Variants in PPM1A observed in about 807,000 individuals in gnomAD.
PPM1A encodes protein phosphatase 1A.
Under a neutral mutation model 35.0 loss-of-function variants are expected in PPM1A, and 7 were observed. The ratio of observed to expected loss-of-function variants is 0.20; its 90% CI spans 0.11 to 0.38. The LOEUF (loss-of-function observed/expected upper bound fraction) is 0.38. Ranked by LOEUF, PPM1A falls within the 10% of genes least tolerant of loss-of-function variation. PPM1A has a pLI of 1.00. For missense variants in PPM1A, 239 were observed against 467.8 expected (o/e 0.51, Z 4.51); for synonymous variants, 153 against 167.3 (o/e 0.91, Z 0.66).
chr14:60,280,905 G>T (rs1886331293), intron 1 of PPM1A, among the ~76,000 whole-genome samples: 1 of 152,088 alleles, frequency 6.6e-6, no homozygotes, highest in Admixed American at 6.5e-5. Flanking sequence ...ATTTTCTTAG[G>T]GGTTAATGAT....
intron 1 of PPM1A, among the ~76,000 whole-genome samples, chr14:60,258,541 T>G (rs773855005): frequency 1.2e-4 from 18 of 152,138 alleles, no homozygotes; most frequent in Non-Finnish European, 1.9e-4. Context: ...CTTTTTAAAG[T>G]CATTGATGAA....
In PPM1A at chr14:60,249,321, C is replaced by T. The variant is rs1461247637; in HGVS notation, c.-377C>T. 5.7e-5 allele frequency: 55 copies of T among 965,232 alleles called. No individual in the cohort carries two copies. The highest frequency in any genetic ancestry group is 6.3e-5 in the Non-Finnish European group (52 of 824,506). The allele number at this position is 965,232 out of a possible 1,614,324, so 59.8% of individuals were successfully genotyped here. A position where few individuals can be genotyped will look rare whatever the true frequency, so the allele number is the denominator to read the frequency against. On this transcript the variant is annotated 5_prime_UTR_variant, in exon 1 of 6. Coordinates refer to ENST00000395076, the MANE Select transcript of PPM1A (RefSeq NM_021003.5). This position sits in a 1 kb window ranked among gnomAD's most constrained non-coding sequence, Gnocchi z 4.5. ...CTCGTCCGGCCCGCAGCTTCGGGTC[C>T]TCAGGCGGCTGTTGCTCCGGAACGG...
chr14:60,246,694 G>A (rs1258348481), upstream of PPM1A, among the ~76,000 whole-genome samples: 1 of 151,866 alleles, frequency 6.6e-6, no homozygotes, highest in African/African-American at 2.4e-5. Context: ...GGGATATGAT[G>A]ATATTAAACA....
chr14:60,269,654 T>G (rs1424127661), intron 1 of PPM1A, among the ~76,000 whole-genome samples: 2 of 152,214 alleles, frequency 1.3e-5, no homozygotes, highest in African/African-American at 2.4e-5. Flanking sequence ...GTTCAAGTGA[T>G]TCTCCTACCT....
At chr14:60,268,155 C>G in intron 1 of PPM1A, 1 of 266,934 alleles carries the variant, frequency 3.7e-6, no homozygotes, top group Non-Finnish European at 5.8e-6. Context: ...AGTCCATAAT[C>G]ACATATTACA....
At chr14:60,269,078 T>C (rs974728483) in intron 1 of PPM1A, among the ~76,000 whole-genome samples, 1 of 152,090 alleles carries the variant, frequency 6.6e-6, no homozygotes, top group Non-Finnish European at 1.5e-5. Context: ...GAATATATAG[T>C]CTTGAAATTT....
At chr14:60,266,373 C>G (rs1441438281) in intron 1 of PPM1A, among the ~76,000 whole-genome samples, 1 of 152,136 alleles carries the variant, frequency 6.6e-6, no homozygotes, top group Non-Finnish European at 1.5e-5. Context: ...TTTCTTTTCT[C>G]TGGAGTCACT....
At chr14:60,271,768 T>C (rs1190328102) in intron 1 of PPM1A, among the ~76,000 whole-genome samples, 1 of 152,216 alleles carries the variant, frequency 6.6e-6, no homozygotes, top group Non-Finnish European at 1.5e-5. Context: ...ATAATCTTGA[T>C]ATTGAGAATA....
At chr14:60,287,667 A>G (rs1887164064) in intron 3 of PPM1A, 3 of 985,328 alleles carry the variant, frequency 3.0e-6, no homozygotes, top group African/African-American at 3.5e-5. Flanking sequence ...CACACCATAG[A>G]AAAGGACAAA....
intron 1 of PPM1A, chr14:60,268,555 C>T (rs1486225111): frequency 3.7e-6 from 1 of 266,694 alleles, no homozygotes; most frequent in Non-Finnish European, 5.7e-6. Context: ...TAATATATTC[C>T]TTCAGCTTTT....
In PPM1A at chr14:60,249,497, G is replaced by A; in HGVS notation, c.-201G>A. On this transcript the variant is annotated 5_prime_UTR_variant, in exon 1 of 6. Coordinates refer to ENST00000395076, the MANE Select transcript of PPM1A (RefSeq NM_021003.5). The surrounding 1 kb of genome is among the most constrained non-coding windows in gnomAD (Gnocchi z 4.5). ...TGAGCCGCGAGGGCGCCGACAGCCGGGGGCCCGGACGCAGCCCGGCTCCTC... is the reference window on the plus strand; with the variant it reads ...TGAGCCGCGAGGGCGCCGACAGCCGAGGGCCCGGACGCAGCCCGGCTCCTC... The A allele has an allele frequency of 1.0e-6, 1 of 985,296 alleles. No individual in the cohort carries two copies. The highest frequency in any genetic ancestry group is 1.7e-5 in the African/African-American group (1 of 57,256). 61.0% of individuals were successfully genotyped at this position (985,296 alleles called of 1,614,324 possible).
intron 1 of PPM1A, among the ~76,000 whole-genome samples, chr14:60,271,547 C>A (rs1000043437): frequency 3.3e-5 from 5 of 152,106 alleles, no homozygotes; most frequent in African/African-American, 1.2e-4. Flanking sequence ...AACTCTGATG[C>A]CATGGTGGAA....
intron 1 of PPM1A, among the ~76,000 whole-genome samples, chr14:60,258,940 C>T (rs1363205946): frequency 6.6e-6 from 1 of 152,030 alleles, no homozygotes; most frequent in Admixed American, 6.5e-5. Flanking sequence ...GAGCTTATGA[C>T]TAAGGATAGA....
rs570252588 is a variant in PPM1A, at chr14:60,272,442, C to T, written c.-20-10242C>T. Among the ~76,000 whole-genome samples the T allele has an allele frequency of 8.5e-5, 13 of 152,142 alleles. No individual in the cohort carries two copies. The East Asian group carries it at 9.6e-4, about 11-fold the overall frequency. On this transcript the variant is annotated intron_variant, in intron 1 of 5. Coordinates refer to ENST00000395076, the MANE Select transcript of PPM1A (RefSeq NM_021003.5). The stretch of plus-strand genomic sequence containing the variant: ...CACACAGGAGGCTGGTGTGGTGGCT[C>T]ATGCCTGTAATTTCAGCACTTTGAG...
intron 1 of PPM1A, among the ~76,000 whole-genome samples, chr14:60,253,867 T>G (rs1332107007): frequency 1.4e-4 from 21 of 152,144 alleles, no homozygotes; most frequent in Admixed American, 1.4e-3. Context: ...GTGGACATGG[T>G]GATAAAACTA....
intron 1 of PPM1A, among the ~76,000 whole-genome samples, chr14:60,255,232 C>T (rs1443705032): frequency 5.8e-5 from 8 of 137,774 alleles, no homozygotes; most frequent in African/African-American, 9.1e-5. Flanking sequence ...AGTGCAGTGG[C>T]GCGATCTCGG....
chr14:60,280,261 C>T (rs1738806454), intron 1 of PPM1A, among the ~76,000 whole-genome samples: 1 of 152,158 alleles, frequency 6.6e-6, no homozygotes, highest in Admixed American at 6.5e-5. Flanking sequence ...ACCTCGGCCT[C>T]CTAAAGTGCT....
Position 60,292,190 on chromosome 14 carries a change from TTGAG to T in PPM1A, c.1120-261_1120-258del, listed in dbSNP as rs1321119502. ...AAATTCTTTTTAGTAGATTTATTGATTGAGTAATACATTTGGACAGCCTCATCAT... is the reference window on the plus strand; with the variant it reads ...AAATTCTTTTTAGTAGATTTATTGATTAATACATTTGGACAGCCTCATCAT... On this transcript the variant is annotated intron_variant, in intron 5 of 5. Transcript: ENST00000395076. The surrounding 1 kb of genome is among the most constrained non-coding windows in gnomAD (Gnocchi z 4.2). Among the ~76,000 whole-genome samples, 9 of 152,266 alleles carry T rather than the reference TTGAG, an allele frequency of 5.9e-5. No homozygotes were observed. Among genetic ancestry groups the T allele is most frequent in the South Asian group, 2.1e-4 (1 of 4,830 alleles).
intron 4 of PPM1A, among the ~76,000 whole-genome samples, chr14:60,290,795 A>G (rs1566608362): frequency 6.6e-6 from 1 of 151,964 alleles, no homozygotes; most frequent in Admixed American, 6.6e-5. Context: ...TTTTTTCCAT[A>G]TGACTTTCTA....
Sources: gnomAD v4.1 joint callset for allele counts (sites outside exome capture counted in the v4.1 genomes callset) on GRCh38, gnomAD v4.1.1 for gene constraint, Gnocchi (gnomAD v3.1) non-coding constraint, MANE v1.5 for transcripts, NCBI Gene and HGNC (gene_info 2026-07-23, HGNC 2026-07-21) for gene names.